ZNF804A: variants seen among roughly 807,000 people sequenced by gnomAD.
The protein encoded by ZNF804A is zinc finger protein 804A.
In ZNF804A, 2 loss-of-function variants were observed where a neutral mutation model predicts 16.5. The ratio of observed to expected loss-of-function variants is 0.12; its 90% CI spans 0.05 to 0.38. The LOEUF is 0.38. Among genes scored for constraint, ZNF804A ranks in the 10% least tolerant of loss-of-function variants. The pLI is 0.99. For synonymous variants in ZNF804A, 534 were observed against 489.6 expected, an observed-to-expected ratio of 1.09 and a Z score of -1.20; for missense variants, 1,473 against 1,390.7, an observed-to-expected ratio of 1.06 and a Z score of -0.94.
chr2:184,925,285 T>C (rs910266128), intron 2 of ZNF804A, among the ~76,000 whole-genome samples: 1 of 151,924 alleles, frequency 6.6e-6, no homozygotes, highest in African/African-American at 2.4e-5. Context: ...CGTTATATAG[T>C]GACCTTCTTT....
chr2:184,672,960 G>A (rs1378274430), intron 1 of ZNF804A, among the ~76,000 whole-genome samples: 1 of 151,982 alleles, frequency 6.6e-6, no homozygotes, highest in Non-Finnish European at 1.5e-5. Context: ...TATTGGCCAG[G>A]CTGGTCTTGA....
At chr2:184,776,925 C>G (rs147041447) in intron 1 of ZNF804A, among the ~76,000 whole-genome samples, 2 of 151,572 alleles carry the variant, frequency 1.3e-5, no homozygotes, top group Admixed American at 6.6e-5. Flanking sequence ...ATTACTTTAT[C>G]TTTTTAAAAA....
At chr2:184,850,159 C>T (rs1313600815) in intron 1 of ZNF804A, among the ~76,000 whole-genome samples, 1 of 151,556 alleles carries the variant, frequency 6.6e-6, no homozygotes, top group Non-Finnish European at 1.5e-5. Flanking sequence ...TTTGATAGCA[C>T]AACAGGATGA....
intron 1 of ZNF804A, among the ~76,000 whole-genome samples, chr2:184,668,055 A>G (rs1047840053): frequency 1.3e-5 from 2 of 151,828 alleles, no homozygotes; most frequent in Non-Finnish European, 3.0e-5. Flanking sequence ...TTACAAAATA[A>G]GGGCTCCAGT....
At chr2:184,883,678 A>G (rs1162864815) in intron 2 of ZNF804A, among the ~76,000 whole-genome samples, 3 of 152,100 alleles carry the variant, frequency 2.0e-5, no homozygotes, top group Non-Finnish European at 4.4e-5. Context: ...TTGACTATAT[A>G]AATAGAACCA....
intron 1 of ZNF804A, among the ~76,000 whole-genome samples, chr2:184,792,004 A>C (rs374337791): frequency 1.3e-5 from 2 of 152,144 alleles, no homozygotes; most frequent in East Asian, 1.9e-4. Flanking sequence ...TTGATAACTC[A>C]TTTCCTCTTA....
chr2:184,615,374 A>C (rs1273061920), intron 1 of ZNF804A, among the ~76,000 whole-genome samples: 2 of 152,148 alleles, frequency 1.3e-5, no homozygotes, highest in South Asian at 4.1e-4. Flanking sequence ...TATAATAATA[A>C]AAAAAGAATA....
At chr2:184,748,484 AGTTT>A (rs1338043485) in intron 1 of ZNF804A, among the ~76,000 whole-genome samples, 1 of 150,626 alleles carries the variant, frequency 6.6e-6, no homozygotes, top group African/African-American at 2.4e-5. Context: ...ATTTGTGTCC[AGTTT>A]GTTTATTTGT....
intron 1 of ZNF804A, among the ~76,000 whole-genome samples, chr2:184,774,840 G>A (rs947773502): frequency 2.8e-4 from 43 of 151,632 alleles, no homozygotes; most frequent in Non-Finnish European, 8.9e-5. Flanking sequence ...CATGTGACAT[G>A]TGCCTTCTGG....
At chr2:184,920,914 T>C (rs972453871) in intron 2 of ZNF804A, among the ~76,000 whole-genome samples, 4 of 152,210 alleles carry the variant, frequency 2.6e-5, no homozygotes, top group African/African-American at 7.2e-5. Flanking sequence ...AACTTCTTGA[T>C]TGATGAAAGG....
At chr2:184,634,335 C>T (rs1351595035) in intron 1 of ZNF804A, among the ~76,000 whole-genome samples, 6 of 152,070 alleles carry the variant, frequency 3.9e-5, no homozygotes, top group Non-Finnish European at 8.8e-5. Flanking sequence ...TAGGCAATTG[C>T]CCCCCTCAGA....
intron 2 of ZNF804A, among the ~76,000 whole-genome samples, chr2:184,931,410 A>G (rs910372779): frequency 1.3e-4 from 20 of 152,272 alleles, no homozygotes; most frequent in Admixed American, 7.8e-4. Context: ...CCAAACTTTG[A>G]TTCTTGAATT....
At chr2:184,682,886 T>C (rs1244487830) in intron 1 of ZNF804A, among the ~76,000 whole-genome samples, 1 of 152,126 alleles carries the variant, frequency 6.6e-6, no homozygotes, top group Non-Finnish European at 1.5e-5. Flanking sequence ...TGTACCCCTG[T>C]AGTCCCAGCT....
intron 2 of ZNF804A, among the ~76,000 whole-genome samples, chr2:184,929,184 C>G (rs1685656312): frequency 6.6e-6 from 1 of 152,112 alleles, no homozygotes; most frequent in African/African-American, 2.4e-5. Flanking sequence ...TCCAGCCATG[C>G]CTGTCAGTCA....
At chr2:184,651,053 A>T (rs935237166) in intron 1 of ZNF804A, among the ~76,000 whole-genome samples, 1 of 152,080 alleles carries the variant, frequency 6.6e-6, no homozygotes, top group Non-Finnish European at 1.5e-5. Context: ...CTATAAGGCT[A>T]TTATTATAGC....
chr2:184,879,742 T>C (rs1684779585), intron 2 of ZNF804A, among the ~76,000 whole-genome samples: 1 of 152,090 alleles, frequency 6.6e-6, no homozygotes, highest in African/African-American at 2.4e-5. Flanking sequence ...TTTTGTTTTG[T>C]TTTTGTTTTA....
At chr2:184,804,029 A>T (rs1694764357) in intron 1 of ZNF804A, among the ~76,000 whole-genome samples, 1 of 151,410 alleles carries the variant, frequency 6.6e-6, no homozygotes, top group African/African-American at 2.4e-5. Context: ...TGCCTGGCTA[A>T]TTTTTTTTGT....
chr2:184,763,630 C>CTTTTTTTTTTTTTTTTTTTTT (rs1188087789), intron 1 of ZNF804A, among the ~76,000 whole-genome samples: 2 of 21,256 alleles, frequency 9.4e-5, no homozygotes, highest in African/African-American at 2.0e-4. Flanking sequence ...CTTCAAAGTG[C>CTTTTTTTTTTTTTTTTTTTTT]TTTTTTTTTT....
chr2:184,905,034 A>C (rs1415008555), intron 2 of ZNF804A, among the ~76,000 whole-genome samples: 2 of 151,978 alleles, frequency 1.3e-5, no homozygotes, highest in Non-Finnish European at 2.9e-5. Flanking sequence ...TGCAACTATA[A>C]TTATCAAGGC....
Sources: allele counts gnomAD v4.1 joint callset (sites outside exome capture counted in the v4.1 genomes callset), GRCh38; gene constraint gnomAD v4.1.1; transcripts MANE v1.5; gene names NCBI Gene and HGNC (gene_info 2026-07-23, HGNC 2026-07-21).